Variants in TACC2 observed in about 807,000 individuals in gnomAD.
TACC2 encodes the protein transforming acidic coiled-coil-containing protein 2.
Under a neutral mutation model 227.3 loss-of-function variants are expected in TACC2, and 137 were observed. That is an observed-to-expected ratio of 0.60 (90% CI 0.52 to 0.69). TACC2 has a LOEUF of 0.69. Among genes scored for constraint, TACC2 ranks in the 30% least tolerant of loss-of-function variants. The pLI, the probability that TACC2 is intolerant of heterozygous loss-of-function variation, is 0.00. For synonymous variants in TACC2, 1,523 were observed against 1,487.5 expected, an observed-to-expected ratio of 1.02 and a Z score of -0.55; for missense variants, 3,470 against 3,694.4, an observed-to-expected ratio of 0.94 and a Z score of 1.57.
chr10:122,062,520 G>A (rs1013306208), intron 3 of TACC2, among the ~76,000 whole-genome samples: 12 of 147,258 alleles, frequency 8.1e-5, no homozygotes, highest in Non-Finnish European at 1.6e-4. Flanking sequence ...CTCCATATTG[G>A]TCAGGCTGGT....
At chr10:122,225,752 G>A (rs550304710) in intron 12 of TACC2, among the ~76,000 whole-genome samples, 2 of 152,194 alleles carry the variant, frequency 1.3e-5, no homozygotes, top group African/African-American at 4.8e-5. Context: ...GGATGAATTC[G>A]TGAGGAGCAT....
intron 11 of TACC2, among the ~76,000 whole-genome samples, chr10:122,222,447 G>C (rs1209875345): frequency 6.6e-6 from 1 of 152,220 alleles, no homozygotes; most frequent in Non-Finnish European, 1.5e-5. Flanking sequence ...ACTCATCTGG[G>C]ATTGATGGGG....
In TACC2 at chr10:122,087,935, C is replaced by A. The variant is rs1268591751; in HGVS notation, c.5435C>A (p.Ala1812Asp). ...CACGACCCGAAGCTGCAACATTTGG[C>A]TCCAGAAGAGCTCCACACTGACAGG... ...ETHDPKLQHL[A>D]PEELHTDRES... Residue 1812 changes from alanine to aspartate, a missense_variant, in exon 4 of 23, where the codon GCT (alanine) becomes GAT (aspartate). Coordinates refer to ENST00000369005, the MANE Select transcript of TACC2 (RefSeq NM_206862.4). 1 of 1,511,072 alleles carries A rather than the reference C, an allele frequency of 6.6e-7. No homozygotes were observed. Among genetic ancestry groups the A allele is most frequent in the African/African-American group, 1.4e-5 (1 of 71,522 alleles). The allele number at this position is 1,511,072 out of a possible 1,614,324, so 93.6% of individuals were successfully genotyped here.
Position 122,084,671 on chromosome 10 carries a change from C to T in TACC2, c.2171C>T (p.Pro724Leu). The change falls in exon 4 of 23, where the codon CCA becomes CTA. Residue 724 changes from proline to leucine, a missense_variant. Physicochemically the swap from Pro to Leu is moderately conservative, Grantham distance 98. Transcript: ENST00000369005. ...TTAGAATCAGAGAAATCAGATTTTC[C>T]ACCAACTCCTGTTGCAGAGGTTGCA... ...LTLESEKSDF[P>L]PTPVAEVAPK... is the part of the protein sequence containing the mutation. 1 of 1,613,728 alleles carries T rather than the reference C, an allele frequency of 6.2e-7. No homozygotes were observed. The highest frequency in any genetic ancestry group is 2.2e-5 in the East Asian group (1 of 44,876).
chr10:122,189,160 G>GGT (rs142942799), intron 7 of TACC2, among the ~76,000 whole-genome samples: 2 of 152,010 alleles, frequency 1.3e-5, no homozygotes, highest in African/African-American at 2.4e-5. Flanking sequence ...ATGCCAGCGA[G>GGT]GTGTGTGTGT....
Position 122,210,783 on chromosome 10 carries a change from G to A in TACC2, c.6358G>A (p.Ala2120Thr). Residue 2120 changes from alanine to threonine, a missense_variant, in exon 9 of 23, where the codon GCT becomes ACT. Ala to Thr is a moderately conservative substitution (Grantham distance 58). This residue lies in a region of TACC2 where 593 missense variants were observed against 636.6 expected (regional missense o/e 0.93). Coordinates refer to ENST00000369005, the MANE Select transcript of TACC2 (RefSeq NM_206862.4). This position sits in a 1 kb window ranked among gnomAD's most constrained non-coding sequence, Gnocchi z 4.6. ...PDAYSTGSSS[A>T]SSTLKRTKKP... Reference sequence around the variant, plus strand: ...TGCATATAGCACGGGTTCCAGCAGTGCTTCTAGTACCCTTAAGCGAACTAA... The same window carrying A: ...TGCATATAGCACGGGTTCCAGCAGTACTTCTAGTACCCTTAAGCGAACTAA... 1 of 1,613,768 alleles carries A rather than the reference G, an allele frequency of 6.2e-7. No individual in the cohort carries two copies. The highest frequency in any genetic ancestry group is 8.5e-7 in the Non-Finnish European group (1 of 1,180,010).
At chr10:122,200,939 A>G (rs12414605) in intron 8 of TACC2, among the ~76,000 whole-genome samples, 74,930 of 125,520 alleles carry the variant, frequency 0.6, 22,423 homozygotes, top group Middle Eastern at 0.68. Flanking sequence ...CGGGGAGGAC[A>G]GCGACCTCAC....
chr10:122,074,206 G>C (rs1468845021), intron 3 of TACC2, among the ~76,000 whole-genome samples: 1 of 151,502 alleles, frequency 6.6e-6, no homozygotes, highest in African/African-American at 2.4e-5. Flanking sequence ...TCAGCCTCCT[G>C]AGTAGCTGGG....
At chr10:122,039,269 C>T (rs2073961842) in intron 2 of TACC2, among the ~76,000 whole-genome samples, 1 of 152,192 alleles carries the variant, frequency 6.6e-6, no homozygotes, top group Non-Finnish European at 1.5e-5. Context: ...AGCCACCGTG[C>T]TGGCCTCCTG....
rs2079867417 is a variant in TACC2, at chr10:122,084,393, C to T, written c.1893C>T (p.His631=). The change falls in exon 4 of 23, where the codon CAC becomes CAT. Residue 631 remains histidine (H), a synonymous_variant. Coordinates refer to ENST00000369005, the MANE Select transcript of TACC2 (RefSeq NM_206862.4). ...AGAGCAGAGACCATCCCAGCTCACA[C>T]TCAGCACAGCCACCCAGAAAGGGGG... ...DAESRDHPSS[H]SAQPPRKGGA... The T allele has an allele frequency of 6.2e-7, 1 of 1,613,298 alleles. No homozygotes were observed. Among genetic ancestry groups the T allele is most frequent in the Non-Finnish European group, 8.5e-7 (1 of 1,180,038 alleles).
intron 5 of TACC2, among the ~76,000 whole-genome samples, chr10:122,132,064 GAAAAAGAAAGAAAGAA>G (rs2088322741): frequency 2.1e-5 from 1 of 47,444 alleles, no homozygotes; most frequent in African/African-American, 1.1e-4. Flanking sequence ...AAGAAAGAAA[GAAAAAGAAAGAAAGAA>G]AGAGAAAGAT....
At chr10:122,100,334 T>C (rs112058530) in intron 5 of TACC2, among the ~76,000 whole-genome samples, 2,714 of 151,956 alleles carry the variant, frequency 0.018, 104 homozygotes, top group African/African-American at 0.063. Flanking sequence ...AGAGGAAAGC[T>C]GTAACTCTTC....
intron 5 of TACC2, among the ~76,000 whole-genome samples, chr10:122,130,947 G>T (rs11200422): frequency 0.01 from 1,546 of 152,202 alleles, 15 homozygotes; most frequent in Non-Finnish European, 0.016. Flanking sequence ...TTCTCAGTTT[G>T]TGTTCTCATG....
chr10:122,060,004 G>A (rs2076620546), intron 3 of TACC2, among the ~76,000 whole-genome samples: 1 of 152,142 alleles, frequency 6.6e-6, no homozygotes, highest in Non-Finnish European at 1.5e-5. Context: ...TGGATTAGAT[G>A]GCCAGAGAAG....
chr10:122,241,936 C>A (rs150502387), intron 18 of TACC2, 22 bp from the exon 19 acceptor site: 9 of 1,612,294 alleles, frequency 5.6e-6, no homozygotes, highest in African/African-American at 1.3e-5. Flanking sequence ...ATGACTCCAA[C>A]GTGTCTTTAC....
chr10:122,109,665 AG>A (rs1454275123), intron 5 of TACC2, among the ~76,000 whole-genome samples: 3 of 152,248 alleles, frequency 2.0e-5, no homozygotes, highest in African/African-American at 7.2e-5. Context: ...TAACTGATGC[AG>A]TGATGCTATC....
At chr10:122,030,654 A>G (rs557668568) in intron 2 of TACC2, among the ~76,000 whole-genome samples, 1 of 151,532 alleles carries the variant, frequency 6.6e-6, no homozygotes, top group African/African-American at 2.4e-5. Context: ...CTAGCTCTGC[A>G]AGTTTTCACT....
rs538567623 is a variant in TACC2, at chr10:122,217,008, T to G, written c.7546+180T>G. The G allele has an allele frequency of 7.7e-6, 10 of 1,303,296 alleles. No individual in the cohort carries two copies. The South Asian group carries it at 1.5e-4, about 19-fold the overall frequency. 80.7% of individuals were successfully genotyped at this position (1,303,296 alleles called of 1,614,324 possible). A position where few individuals can be genotyped will look rare whatever the true frequency, so the allele number is the denominator to read the frequency against. On this transcript the variant is annotated intron_variant, in intron 11 of 22. Transcript: ENST00000369005. ...GCTGTGTTTGAAAACAGCCTGAGAC[T>G]TGAAAGCAGCTGTCCCTTGACCCAA...
At chr10:122,130,782 C>T (rs908396871) in intron 5 of TACC2, among the ~76,000 whole-genome samples, 3 of 152,134 alleles carry the variant, frequency 2.0e-5, no homozygotes, top group South Asian at 2.1e-4. Context: ...TCATAAAGGT[C>T]GTTGTGAGGA....
Sources: allele counts gnomAD v4.1 joint callset (sites outside exome capture counted in the v4.1 genomes callset), GRCh38; gene constraint gnomAD v4.1.1; regional missense constraint gnomAD v4.1.1; non-coding constraint Gnocchi (gnomAD v3.1); transcripts MANE v1.5; gene names NCBI Gene and HGNC (gene_info 2026-07-23, HGNC 2026-07-21).